The following CREB5 variants were observed in gnomAD, a reference collection of about 807,000 sequenced individuals.
CREB5 encodes the protein cAMP responsive element binding protein 5, also known as cyclic AMP-responsive element-binding protein 5.
Under a neutral mutation model 57.1 loss-of-function variants are expected in CREB5, and 19 were observed. That is an observed-to-expected ratio of 0.33 (90% CI 0.23 to 0.49). The LOEUF (loss-of-function observed/expected upper bound fraction) is 0.49, where lower values mean the gene tolerates loss of function less well. CREB5 is among the 20% of genes least tolerant of loss of function. The probability of loss-of-function intolerance (pLI) is 0.99; values close to 1 mark genes in which losing one functional copy is unlikely to be tolerated. For missense variants in CREB5, 579 were observed against 671.6 expected (o/e 0.86, Z 1.52); for synonymous variants, 238 against 238.3 (o/e 1.00, Z 0.01).
At chr7:28,560,949 T>C (rs372401777) in intron 4 of CREB5, among the ~76,000 whole-genome samples, 743 of 34,564 alleles carry the variant, frequency 0.021, 53 homozygotes, top group East Asian at 0.048. Flanking sequence ...TGCGTGTGTG[T>C]GCGTGTGTGT....
Position 28,819,505 on chromosome 7 carries a change from C to G in CREB5, c.*226C>G. ...TATCAGCTTGGGAAACGCTTTGGTGCTTTTCTCCAGTTTTCTGGTACCAGT... is the reference window on the plus strand; with the variant it reads ...TATCAGCTTGGGAAACGCTTTGGTGGTTTTCTCCAGTTTTCTGGTACCAGT... On this transcript the variant is annotated 3_prime_UTR_variant, in exon 11 of 11. Coordinates refer to ENST00000357727, the MANE Select transcript of CREB5 (RefSeq NM_182898.4). 1 of 464,028 alleles carries G rather than the reference C, an allele frequency of 2.2e-6. No homozygotes were observed. The highest frequency in any genetic ancestry group is 3.7e-6 in the Non-Finnish European group (1 of 268,140). The allele number at this position is 464,028 out of a possible 1,614,324, so 28.7% of individuals were successfully genotyped here.
chr7:28,572,955 C>T (rs6462095), intron 5 of CREB5, among the ~76,000 whole-genome samples: 9,314 of 152,194 alleles, frequency 0.061, 374 homozygotes, highest in South Asian at 0.11. Context: ...TTGCCAAGCC[C>T]GAGGGAGGCT....
At chr7:28,530,991 A>T (rs905720123) in intron 4 of CREB5, among the ~76,000 whole-genome samples, 2 of 152,174 alleles carry the variant, frequency 1.3e-5, no homozygotes, top group Admixed American at 1.3e-4. Context: ...TTGACTGTCT[A>T]TTCTGAGTTT....
At chr7:28,782,532 C>G (rs1807049601) in intron 7 of CREB5, among the ~76,000 whole-genome samples, 1 of 152,166 alleles carries the variant, frequency 6.6e-6, no homozygotes, top group African/African-American at 2.4e-5. Context: ...CCCCAAGAAG[C>G]TTCCTTCCCA....
rs114311437 is a variant in CREB5, at chr7:28,533,555, G to A, written c.291+25818G>A. Among the ~76,000 whole-genome samples, 842 of 152,338 alleles carry A rather than the reference G, an allele frequency of 5.5e-3. 10 individuals are homozygous for A. The highest frequency in any genetic ancestry group is 0.019 in the African/African-American group (801 of 41,568). The stretch of plus-strand genomic sequence containing the variant: ...ACCACAGGATTTCCGGAAGGACATA[G>A]CATTTTAAAATTCTACTGGGTAAGA... On this transcript the variant is annotated intron_variant, in intron 4 of 10. Coordinates refer to ENST00000357727, the MANE Select transcript of CREB5 (RefSeq NM_182898.4).
chr7:28,550,737 C>T (rs1159685157), intron 4 of CREB5, among the ~76,000 whole-genome samples: 3 of 152,182 alleles, frequency 2.0e-5, no homozygotes, highest in African/African-American at 7.2e-5. Flanking sequence ...TTCCCTGAAG[C>T]TCTAAATATA....
chr7:28,719,444 T>C (rs995029208), intron 6 of CREB5, among the ~76,000 whole-genome samples: 2 of 152,208 alleles, frequency 1.3e-5, no homozygotes, highest in African/African-American at 4.8e-5. Context: ...GTCCCCACTT[T>C]TTGAATGAGG....
chr7:28,331,444 A>G (rs889147280), intron 1 of CREB5, among the ~76,000 whole-genome samples: 9 of 152,070 alleles, frequency 5.9e-5, no homozygotes, highest in Non-Finnish European at 1.2e-4. Context: ...TTTGCCCCTC[A>G]TGAACCAATT....
intron 5 of CREB5, among the ~76,000 whole-genome samples, chr7:28,673,518 C>G (rs1800150879): frequency 6.6e-6 from 1 of 152,132 alleles, no homozygotes. Context: ...TCTTTTTAAT[C>G]TTGCTCTCTA....
At chr7:28,753,281 A>C (rs1049816019) in intron 7 of CREB5, among the ~76,000 whole-genome samples, 1 of 152,230 alleles carries the variant, frequency 6.6e-6, no homozygotes, top group Non-Finnish European at 1.5e-5. Context: ...CAAATGCCCC[A>C]AAAACATGTT....
intron 1 of CREB5, among the ~76,000 whole-genome samples, chr7:28,340,415 G>A (rs888687405): frequency 1.1e-4 from 16 of 152,184 alleles, no homozygotes; most frequent in African/African-American, 3.6e-4. Flanking sequence ...TTCTGGTCCA[G>A]GGTGTATATA....
chr7:28,701,286 A>C (rs1022628514), intron 5 of CREB5, among the ~76,000 whole-genome samples: 1 of 152,202 alleles, frequency 6.6e-6, no homozygotes, highest in African/African-American at 2.4e-5. Context: ...TGCACCCTGA[A>C]CCAGTGATTC....
chr7:28,421,886 T>G (rs1788276550), intron 1 of CREB5, among the ~76,000 whole-genome samples: 1 of 143,250 alleles, frequency 7.0e-6, no homozygotes, highest in African/African-American at 2.5e-5. Flanking sequence ...GGTATATATA[T>G]AAAATACCAT....
chr7:28,561,865 C>T (rs531083677), intron 4 of CREB5, among the ~76,000 whole-genome samples: 106 of 152,332 alleles, frequency 7.0e-4, no homozygotes, highest in Middle Eastern at 6.8e-3. Flanking sequence ...CTGCCTCAGC[C>T]TCCCAAGTAG....
intron 5 of CREB5, among the ~76,000 whole-genome samples, chr7:28,618,137 G>A (rs1797662292): frequency 6.6e-6 from 1 of 152,156 alleles, no homozygotes; most frequent in South Asian, 2.1e-4. Flanking sequence ...TAGAACTTCA[G>A]CTAGGGGAGC....
At chr7:28,403,252 C>T (rs1171947672) in intron 1 of CREB5, among the ~76,000 whole-genome samples, 1 of 152,150 alleles carries the variant, frequency 6.6e-6, no homozygotes, top group East Asian at 1.9e-4. Flanking sequence ...GACTCAGGGC[C>T]AGTTGGATTG....
chr7:28,317,270 T>C (rs17156577), intron 1 of CREB5, among the ~76,000 whole-genome samples: 26,225 of 152,072 alleles, frequency 0.17, 2,941 homozygotes, highest in African/African-American at 0.32. Flanking sequence ...TCTTCATCAG[T>C]GTGAAACCAG....
At chr7:28,647,907 C>T (rs1397326371) in intron 5 of CREB5, among the ~76,000 whole-genome samples, 1 of 151,734 alleles carries the variant, frequency 6.6e-6, no homozygotes, top group East Asian at 1.9e-4. Flanking sequence ...ATAGTGAGAC[C>T]CCCAACTCTA....
intron 5 of CREB5, among the ~76,000 whole-genome samples, chr7:28,663,499 C>T (rs1171353982): frequency 6.6e-6 from 1 of 152,156 alleles, no homozygotes; most frequent in Admixed American, 6.5e-5. Flanking sequence ...AGCCACCGCA[C>T]TCGGCCAGCT....
Sources: gnomAD v4.1 joint callset for allele counts (sites outside exome capture counted in the v4.1 genomes callset) on GRCh38, gnomAD v4.1.1 for gene constraint, MANE v1.5 for transcripts, NCBI Gene and HGNC (gene_info 2026-07-23, HGNC 2026-07-21) for gene names.